INO80: variants seen among roughly 807,000 people sequenced by gnomAD.
The protein encoded by INO80 is INO80 complex ATPase subunit.
In INO80, 20 loss-of-function variants were observed where a neutral mutation model predicts 203.4. That is an observed-to-expected ratio of 0.10 (90% CI 0.07 to 0.14). INO80 has a LOEUF of 0.14. INO80 is among the 10% of genes least tolerant of loss of function. The probability of loss-of-function intolerance (pLI) is 1.00; values close to 1 mark genes in which losing one functional copy is unlikely to be tolerated. For synonymous variants in INO80, 726 were observed against 685.2 expected, an observed-to-expected ratio of 1.06 and a Z score of -0.93; for missense variants, 1,419 against 1,914.4, an observed-to-expected ratio of 0.74 and a Z score of 4.83.
At chr15:41,063,271 A>G (rs1344937474) in intron 14 of INO80, among the ~76,000 whole-genome samples, 1 of 152,162 alleles carries the variant, frequency 6.6e-6, no homozygotes, top group Admixed American at 6.6e-5. Flanking sequence ...TGGGAGGCAG[A>G]GGTTGCAGTA....
In INO80 at chr15:41,021,111, T is replaced by C; in HGVS notation, c.3063A>G (p.Pro1021=). Residue 1021 remains proline, a synonymous_variant, in exon 26 of 36, where the codon CCA becomes CCG. Coordinates refer to ENST00000648947, the MANE Select transcript of INO80 (RefSeq NM_017553.3). ...CVASPRVTAV[P]LDSYCNDRSA... Reference sequence around the variant, plus strand: ...TTCGGTCATTGCAGTAAGAATCCAATGGCACTGCGGTAACCTGCAGTTAAA... The same window carrying C: ...TTCGGTCATTGCAGTAAGAATCCAACGGCACTGCGGTAACCTGCAGTTAAA... 2 of 1,613,692 alleles carry C rather than the reference T, an allele frequency of 1.2e-6. No homozygotes were observed. The highest frequency in any genetic ancestry group is 1.7e-6 in the Non-Finnish European group (2 of 1,179,544).
intron 29 of INO80, among the ~76,000 whole-genome samples, chr15:40,993,578 G>A (rs1440049445): frequency 2.0e-5 from 3 of 151,978 alleles, no homozygotes; most frequent in African/African-American, 7.3e-5. Context: ...GGCCAACGTG[G>A]TAAAACCCCA....
intron 19 of INO80, 35 bp from the exon 20 acceptor site, chr15:41,050,137 G>A: frequency 6.6e-7 from 1 of 1,521,292 alleles, no homozygotes; most frequent in Non-Finnish European, 9.0e-7. Flanking sequence ...ATTTGGAAAA[G>A]TAGTTTTTAA....
Position 41,020,953 on chromosome 15 carries a change from C to T in INO80, c.3221G>A (p.Gly1074Glu), listed in dbSNP as rs773170838. The T allele has an allele frequency of 6.2e-7, 1 of 1,614,138 alleles. No individual in the cohort carries two copies. Among genetic ancestry groups the T allele is most frequent in the South Asian group, 1.1e-5 (1 of 91,072 alleles). ...CTGAGGTCTGATGCTCCACAGACCT[C>T]CAGCTGGCTCTGGGAAGAACTGTGA... ...RRSQFFPEPAGGLWSIRPQNG... is the reference protein window; with the variant it reads ...RRSQFFPEPAEGLWSIRPQNG... Residue 1074 changes from glycine (G) to glutamate (E), a missense_variant, in exon 26 of 36, where the codon GGA (glycine) becomes GAA (glutamate). By Grantham distance (98) the Gly-to-Glu change is moderately conservative. This residue lies in a region of INO80 where 302 missense variants were observed against 345.4 expected (regional missense o/e 0.87). Transcript: ENST00000648947.
intron 29 of INO80, among the ~76,000 whole-genome samples, chr15:40,995,891 G>C (rs2043874387): frequency 6.6e-6 from 1 of 152,228 alleles, no homozygotes; most frequent in African/African-American, 2.4e-5. Context: ...TAGTATGACA[G>C]ATGCTGATGA....
At chr15:41,038,006 C>T (rs1241662469) in intron 24 of INO80, among the ~76,000 whole-genome samples, 10 of 123,296 alleles carry the variant, frequency 8.1e-5, no homozygotes, top group South Asian at 2.8e-4. Flanking sequence ...CCCCTCTTCC[C>T]TTTTCTTTTT....
At chr15:41,058,850 A>G in intron 15 of INO80, 69 bp from the exon 16 acceptor site, 1 of 1,496,070 alleles carries the variant, frequency 6.7e-7, no homozygotes. Flanking sequence ...TGATGTATGG[A>G]CTGTTTTTCT....
chr15:41,049,808 C>A (rs3986307), intron 20 of INO80, 127 bp downstream of exon 20: 73,410 of 824,498 alleles, frequency 0.089, 4,240 homozygotes, highest in South Asian at 0.21. Context: ...ATTGCCTGAA[C>A]CTGGGAGCCA....
intron 11 of INO80, among the ~76,000 whole-genome samples, chr15:41,073,159 T>C (rs2045351453): frequency 6.6e-6 from 1 of 151,964 alleles, no homozygotes; most frequent in Non-Finnish European, 1.5e-5. Flanking sequence ...GAAAAAAAAA[T>C]ACAAACTGTT....
At chr15:40,983,137 T>C in intron 34 of INO80, 60 bp from the exon 35 acceptor site, 1 of 1,373,616 alleles carries the variant, frequency 7.3e-7, no homozygotes, top group Non-Finnish European at 1.0e-6. Flanking sequence ...CTCCAAGATG[T>C]TAACATCACC....
intron 5 of INO80, among the ~76,000 whole-genome samples, chr15:41,090,229 T>C (rs906949533): frequency 2.0e-5 from 3 of 152,210 alleles, no homozygotes; most frequent in African/African-American, 7.2e-5. Context: ...CACAGGCACA[T>C]GTTGCATGAT....
intron 19 of INO80, among the ~76,000 whole-genome samples, chr15:41,051,381 T>C (rs958862073): frequency 1.3e-5 from 2 of 151,900 alleles, no homozygotes; most frequent in East Asian, 1.9e-4. Flanking sequence ...TTTGCTTTAA[T>C]GCCTTCTCTA....
chr15:41,010,530 C>T (rs2044118193), intron 27 of INO80, among the ~76,000 whole-genome samples: 1 of 151,992 alleles, frequency 6.6e-6, no homozygotes, highest in Admixed American at 6.5e-5. Flanking sequence ...AGACCTAGGA[C>T]TGAAACTCAA....
intron 24 of INO80, among the ~76,000 whole-genome samples, chr15:41,035,331 C>G (rs977615013): frequency 6.6e-6 from 1 of 152,132 alleles, no homozygotes; most frequent in Admixed American, 6.5e-5. Context: ...TCCTAACACT[C>G]TGGGAGGCTG....
chr15:41,076,150 C>G (rs1486071930), intron 9 of INO80, among the ~76,000 whole-genome samples: 1 of 152,102 alleles, frequency 6.6e-6, no homozygotes, highest in Non-Finnish European at 1.5e-5. Flanking sequence ...CACCTGAGGT[C>G]AGGAGTTCGA....
intron 1 of INO80, among the ~76,000 whole-genome samples, chr15:41,108,591 C>CAAAAAAAA (rs61591905): frequency 1.9e-5 from 1 of 53,206 alleles, no homozygotes; most frequent in Admixed American, 1.9e-4. Flanking sequence ...GACTCCGTCT[C>CAAAAAAAA]AAAAAAAAAA....
intron 14 of INO80, among the ~76,000 whole-genome samples, chr15:41,068,471 G>GA (rs2045258284): frequency 6.6e-6 from 1 of 152,106 alleles, no homozygotes; most frequent in African/African-American, 2.4e-5. Context: ...TGAGGCAGAA[G>GA]AATCACTTCA....
At chr15:41,075,554 A>C (rs2045390868) in intron 9 of INO80, among the ~76,000 whole-genome samples, 1 of 152,254 alleles carries the variant, frequency 6.6e-6, no homozygotes, top group Middle Eastern at 3.4e-3. Context: ...TCCTGGGTTC[A>C]TGCCATTCTC....
intron 24 of INO80, among the ~76,000 whole-genome samples, chr15:41,038,169 C>T (rs1190791141): frequency 4.0e-5 from 6 of 151,436 alleles, no homozygotes. Flanking sequence ...CACAGGCCAC[C>T]ATGCCTGGCT....
Sources: gnomAD v4.1 joint callset for allele counts (sites outside exome capture counted in the v4.1 genomes callset) on GRCh38, gnomAD v4.1.1 for gene constraint, gnomAD v4.1.1 regional missense constraint, MANE v1.5 for transcripts, NCBI Gene and HGNC (gene_info 2026-07-23, HGNC 2026-07-21) for gene names.